The following DPP10 variants were observed in gnomAD, a reference collection of about 807,000 sequenced individuals.
The protein encoded by DPP10 is inactive dipeptidyl peptidase 10.
DPP10 carries 33 observed loss-of-function variants against 120.9 expected under a neutral mutation model. That is an observed-to-expected ratio of 0.27 (90% CI 0.21 to 0.37). The LOEUF is 0.37. Ranked by LOEUF, DPP10 falls within the 10% of genes least tolerant of loss-of-function variation. DPP10 has a pLI of 1.00. For missense variants in DPP10, 816 were observed against 942.8 expected, an observed-to-expected ratio of 0.87 and a Z score of 1.76; for synonymous variants, 337 against 326.1, an observed-to-expected ratio of 1.03 and a Z score of -0.36.
intron 4 of DPP10, among the ~76,000 whole-genome samples, chr2:115,517,988 A>C (rs1413563110): frequency 6.6e-6 from 1 of 152,208 alleles, no homozygotes; most frequent in Non-Finnish European, 1.5e-5. Context: ...TCATAGTGGA[A>C]GGTAAAGGGC....
intron 1 of DPP10, among the ~76,000 whole-genome samples, chr2:114,636,430 C>T (rs887902569): frequency 6.6e-6 from 1 of 151,988 alleles, no homozygotes; most frequent in Non-Finnish European, 1.5e-5. Context: ...GCCAAATATT[C>T]GGTGCCAAAG....
At chr2:115,504,215 A>G (rs1234037435) in intron 4 of DPP10, among the ~76,000 whole-genome samples, 1 of 149,752 alleles carries the variant, frequency 6.7e-6, no homozygotes, top group Non-Finnish European at 1.5e-5. Context: ...TTTGGATGAT[A>G]CTTCTGATTG....
intron 5 of DPP10, among the ~76,000 whole-genome samples, chr2:115,566,824 C>T (rs1055594985): frequency 5.3e-5 from 8 of 152,130 alleles, no homozygotes; most frequent in Admixed American, 5.2e-4. Flanking sequence ...CTGTCTCTAG[C>T]TCTTTATTAT....
chr2:115,452,683 A>G (rs1353608043), intron 3 of DPP10, among the ~76,000 whole-genome samples: 1 of 151,774 alleles, frequency 6.6e-6, no homozygotes, highest in Non-Finnish European at 1.5e-5. Context: ...TTTAACTTTT[A>G]CATGTCATAT....
chr2:115,437,955 A>C (rs1196716514), intron 3 of DPP10, among the ~76,000 whole-genome samples: 1 of 152,112 alleles, frequency 6.6e-6, no homozygotes, highest in African/African-American at 2.4e-5. Context: ...GCTCACATTC[A>C]AGTACTTCAG....
chr2:114,774,336 T>A (rs1320177539), intron 1 of DPP10, among the ~76,000 whole-genome samples: 3 of 151,390 alleles, frequency 2.0e-5, no homozygotes, highest in African/African-American at 4.9e-5. Context: ...GTAAGTGGAG[T>A]CTTTGGGGCT....
At chr2:114,537,230 G>A (rs766684244) in intron 1 of DPP10, among the ~76,000 whole-genome samples, 8 of 152,064 alleles carry the variant, frequency 5.3e-5, no homozygotes, top group Non-Finnish European at 7.4e-5. Flanking sequence ...AGAAACAGTC[G>A]GCTAGACTAC....
rs1271104716 is a variant in DPP10 at position 115,836,695 on chromosome 2, G to A, written c.2131G>A (p.Val711Ile). ...ATAGGCAGCCAGTGTGCTACATAAT[G>A]TTCATGGCTTGAAAGAAGAAAATAT... ...TYQAASVLHNVHGLKEENILI... is the reference protein window; with the variant it reads ...TYQAASVLHNIHGLKEENILI... The change falls in exon 24 of 26, where the codon GTT becomes ATT. Residue 711 changes from valine to isoleucine, a missense_variant. Around this residue, in one of 3 missense-constraint regions of DPP10, gnomAD observed 592 missense variants for 649.0 expected, o/e 0.91. Transcript: ENST00000410059. 6.2e-7 allele frequency: 1 copy of A among 1,613,560 alleles called. No homozygotes were observed.
At chr2:115,256,278 C>T (rs987854379) in intron 1 of DPP10, among the ~76,000 whole-genome samples, 2 of 152,170 alleles carry the variant, frequency 1.3e-5, no homozygotes, top group Admixed American at 6.5e-5. Flanking sequence ...AATTCACTCA[C>T]TATCAAAAGA....
chr2:114,501,613 T>C (rs753736403), intron 1 of DPP10, among the ~76,000 whole-genome samples: 2 of 152,132 alleles, frequency 1.3e-5, no homozygotes, highest in African/African-American at 2.4e-5. Context: ...CCCAGGTGAA[T>C]AGAAAATTTA....
chr2:115,316,523 G>C (rs1477715506), intron 2 of DPP10, among the ~76,000 whole-genome samples: 1 of 152,146 alleles, frequency 6.6e-6, no homozygotes, highest in Non-Finnish European at 1.5e-5. Context: ...GGGGCAGAAA[G>C]GGAGGCAGTG....
intron 2 of DPP10, among the ~76,000 whole-genome samples, chr2:115,322,516 C>A (rs1393104811): frequency 2.0e-5 from 3 of 152,158 alleles, no homozygotes; most frequent in Non-Finnish European, 4.4e-5. Flanking sequence ...TACAACTCTA[C>A]CTTAATCTTT....
intron 1 of DPP10, among the ~76,000 whole-genome samples, chr2:115,294,399 G>A (rs938699074): frequency 3.4e-4 from 51 of 152,120 alleles, no homozygotes; most frequent in African/African-American, 1.1e-3. Flanking sequence ...TTCAGCTCAC[G>A]TACACAAGTA....
chr2:115,132,058 C>A (rs955609013), intron 1 of DPP10: 4 of 152,130 alleles, frequency 2.6e-5, no homozygotes, highest in African/African-American at 9.7e-5. Flanking sequence ...CCACTGCACT[C>A]CAGTCTGGGC....
Position 115,403,860 on chromosome 2 carries a change from A to T in DPP10, c.271+59948A>T, listed in dbSNP as rs1574728832. Among the ~76,000 whole-genome samples the T allele has an allele frequency of 2.0e-5, 3 of 152,298 alleles. 1 individual carries two copies. Among genetic ancestry groups the T allele is most frequent in the Non-Finnish European group, 4.4e-5 (3 of 68,022 alleles). On this transcript the variant is annotated intron_variant, in intron 3 of 25. Coordinates refer to ENST00000410059, the MANE Select transcript of DPP10 (RefSeq NM_020868.6). ...TGTAAAACACCTTAAAGACATCATA[A>T]AAAAACTATTAGAACTGATCAATGA... is the stretch of plus-strand genomic sequence containing the variant.
intron 1 of DPP10, among the ~76,000 whole-genome samples, chr2:114,891,732 AC>A (rs1298098493): frequency 1.3e-5 from 2 of 152,224 alleles, no homozygotes; most frequent in Admixed American, 1.3e-4. Context: ...ATTTTGCCAC[AC>A]TTTTAAATGT....
chr2:115,211,044 TCAAG>T (rs2056477574), intron 1 of DPP10, among the ~76,000 whole-genome samples: 1 of 152,186 alleles, frequency 6.6e-6, no homozygotes, highest in African/African-American at 2.4e-5. Context: ...AATTATTTGA[TCAAG>T]CATATAAATC....
intron 1 of DPP10, among the ~76,000 whole-genome samples, chr2:114,563,093 G>T (rs956604882): frequency 1.3e-5 from 2 of 152,178 alleles, no homozygotes; most frequent in Non-Finnish European, 2.9e-5. Context: ...CATAAAACTG[G>T]CTGGGCGCAG....
chr2:115,609,582 T>C (rs1360088507), intron 5 of DPP10, among the ~76,000 whole-genome samples: 1 of 152,020 alleles, frequency 6.6e-6, no homozygotes, highest in Non-Finnish European at 1.5e-5. Flanking sequence ...AATACCTCTC[T>C]TCTCCCCCAC....
Sources: gnomAD v4.1 joint callset for allele counts (sites outside exome capture counted in the v4.1 genomes callset) on GRCh38, gnomAD v4.1.1 for gene constraint, gnomAD v4.1.1 regional missense constraint, MANE v1.5 for transcripts, NCBI Gene and HGNC (gene_info 2026-07-23, HGNC 2026-07-21) for gene names.